Variants in NRG3 observed in about 807,000 individuals in gnomAD.
NRG3 encodes pro-neuregulin-3, membrane-bound isoform.
NRG3 carries 31 observed loss-of-function variants against 66.9 expected under a neutral mutation model. The observed-to-expected ratio is 0.46, with a 90% confidence interval of 0.35 to 0.63. The LOEUF (loss-of-function observed/expected upper bound fraction) is 0.63. Ranked by LOEUF, NRG3 falls within the 20% of genes least tolerant of loss-of-function variation. The pLI is 0.00. For synonymous variants in NRG3, 393 were observed against 359.4 expected, an observed-to-expected ratio of 1.09 and a Z score of -1.06; for missense variants, 910 against 878.9, an observed-to-expected ratio of 1.04 and a Z score of -0.45.
intron 2 of NRG3, among the ~76,000 whole-genome samples, chr10:82,475,822 C>A (rs1841723340): frequency 6.6e-6 from 1 of 152,028 alleles, no homozygotes; most frequent in South Asian, 2.1e-4. Flanking sequence ...TAAGCAACAG[C>A]AACAAGAAAC....
intron 1 of NRG3, among the ~76,000 whole-genome samples, chr10:82,336,210 A>G (rs2082377717): frequency 6.6e-6 from 1 of 152,214 alleles, no homozygotes; most frequent in Non-Finnish European, 1.5e-5. Context: ...TACCAAAAAA[A>G]AAAGTCACAC....
chr10:82,136,013 G>C (rs7099828), intron 1 of NRG3, among the ~76,000 whole-genome samples: 1,709 of 152,248 alleles, frequency 0.011, 29 homozygotes, highest in African/African-American at 0.039. Context: ...AAATGGAATA[G>C]AGTGCTGTGA....
At chr10:81,922,620 C>T (rs1846361918) in intron 1 of NRG3, among the ~76,000 whole-genome samples, 1 of 152,130 alleles carries the variant, frequency 6.6e-6, no homozygotes, top group South Asian at 2.1e-4. Context: ...GATTTACATT[C>T]ATATAAAAAT....
chr10:81,919,025 G>T (rs1845995479), intron 1 of NRG3, among the ~76,000 whole-genome samples: 2 of 150,304 alleles, frequency 1.3e-5, no homozygotes, highest in Middle Eastern at 3.5e-3. Flanking sequence ...ACACAGCTTT[G>T]GTTCAATTAT....
intron 2 of NRG3, among the ~76,000 whole-genome samples, chr10:82,539,484 G>A (rs2043379518): frequency 6.6e-6 from 1 of 152,096 alleles, no homozygotes; most frequent in Non-Finnish European, 1.5e-5. Context: ...ACTGTGCCAG[G>A]GACATGAATG....
chr10:82,355,742 T>C (rs369798704), intron 1 of NRG3, among the ~76,000 whole-genome samples: 3 of 152,306 alleles, frequency 2.0e-5, no homozygotes, highest in East Asian at 1.9e-4. Context: ...TCATGATGAA[T>C]TACACTTACC....
At chr10:82,626,611 T>C (rs1165310908) in intron 2 of NRG3, among the ~76,000 whole-genome samples, 2 of 152,196 alleles carry the variant, frequency 1.3e-5, no homozygotes, top group Non-Finnish European at 2.9e-5. Context: ...TTAAAAATTA[T>C]AGATTAAAAG....
intron 2 of NRG3, among the ~76,000 whole-genome samples, chr10:82,728,270 GT>G (rs1412891129): frequency 6.6e-6 from 1 of 152,106 alleles, no homozygotes; most frequent in African/African-American, 2.4e-5. Flanking sequence ...GAATAATATG[GT>G]TTGGCTGTGT....
At chr10:82,907,879 A>C (rs1348227821) in intron 4 of NRG3, among the ~76,000 whole-genome samples, 1 of 152,174 alleles carries the variant, frequency 6.6e-6, no homozygotes, top group Non-Finnish European at 1.5e-5. Context: ...TTAAATATAT[A>C]TTGATCAAAG....
In NRG3 at chr10:82,928,731, AT is replaced by A. The variant is rs548976009; in HGVS notation, c.1055-22737del. On this transcript the variant is annotated intron_variant, in intron 4 of 8. Transcript: ENST00000372141. ...AAGCAACCATAGACAATACAAACAAATAGATGTGGCTGTACTCCAATAAAAC... is the reference window on the plus strand; with the variant it reads ...AAGCAACCATAGACAATACAAACAAAAGATGTGGCTGTACTCCAATAAAAC... Among the ~76,000 whole-genome samples the A allele has an allele frequency of 1.1e-4, 16 of 152,284 alleles. No homozygotes were observed. The South Asian group carries it at 3.3e-3, about 32-fold the overall frequency.
At chr10:82,460,550 CT>C (rs1399476731) in intron 2 of NRG3, among the ~76,000 whole-genome samples, 1 of 152,186 alleles carries the variant, frequency 6.6e-6, no homozygotes, top group Non-Finnish European at 1.5e-5. Flanking sequence ...ATGCAACTCT[CT>C]ATTCATTTCG....
At chr10:81,919,108 C>T (rs760346556) in intron 1 of NRG3, among the ~76,000 whole-genome samples, 9 of 152,002 alleles carry the variant, frequency 5.9e-5, no homozygotes, top group Non-Finnish European at 1.0e-4. Context: ...TTCAGTAACC[C>T]ATCTGTTGAA....
intron 1 of NRG3, among the ~76,000 whole-genome samples, chr10:82,050,105 G>T (rs1670225358): frequency 6.6e-6 from 1 of 151,970 alleles, no homozygotes; most frequent in African/African-American, 2.4e-5. Flanking sequence ...GCAGTGATGG[G>T]GCTGAAGGAG....
chr10:82,883,997 T>C (rs1591824399), intron 4 of NRG3, among the ~76,000 whole-genome samples: 1 of 151,976 alleles, frequency 6.6e-6, no homozygotes, highest in Non-Finnish European at 1.5e-5. Context: ...GATGATACTA[T>C]GCAATTCTGT....
chr10:81,993,333 A>T (rs1222001899), intron 1 of NRG3, among the ~76,000 whole-genome samples: 2 of 152,056 alleles, frequency 1.3e-5, no homozygotes, highest in African/African-American at 2.4e-5. Context: ...AGTAGCTGAG[A>T]TGTGAGTTGT....
intron 1 of NRG3, among the ~76,000 whole-genome samples, chr10:82,042,492 A>C (rs552901905): frequency 6.6e-6 from 1 of 152,094 alleles, no homozygotes; most frequent in African/African-American, 2.4e-5. Flanking sequence ...GCAAACAGTA[A>C]TTGTAAATAT....
intron 2 of NRG3, among the ~76,000 whole-genome samples, chr10:82,389,353 A>T (rs2086206925): frequency 6.6e-6 from 1 of 152,196 alleles, no homozygotes; most frequent in African/African-American, 2.4e-5. Flanking sequence ...GTGGAAGGTC[A>T]TGCCTTTCTC....
rs374669901 is a variant in NRG3, at chr10:82,860,235, C to G, written c.1028-5176C>G. 1.8e-4 allele frequency among the ~76,000 whole-genome samples: 27 copies of G among 152,252 alleles called. 1 individual carries two copies. Among genetic ancestry groups the G allele is most frequent in the African/African-American group, 6.5e-4 (27 of 41,546 alleles). ...AACAGTTGTCTTCCTTTGTCTGCCC[C>G]GCTACCTAGCTTATATTTGGCACTT... On this transcript the variant is annotated intron_variant, in intron 3 of 8. Coordinates refer to ENST00000372141, the MANE Select transcript of NRG3 (RefSeq NM_001010848.4).
At chr10:82,631,930 C>T (rs886593931) in intron 2 of NRG3, among the ~76,000 whole-genome samples, 17 of 151,850 alleles carry the variant, frequency 1.1e-4, no homozygotes, top group East Asian at 9.7e-4. Context: ...GGTGAAATTC[C>T]GTCTCTACCA....
Sources: allele counts gnomAD v4.1 joint callset (sites outside exome capture counted in the v4.1 genomes callset), GRCh38; gene constraint gnomAD v4.1.1; transcripts MANE v1.5; gene names NCBI Gene and HGNC (gene_info 2026-07-23, HGNC 2026-07-21).